Variants in CCDC187 observed in about 807,000 individuals in gnomAD.
CCDC187 encodes coiled-coil domain-containing protein 187.
CCDC187 carries 32 observed loss-of-function variants against 38.0 expected under a neutral mutation model. That is an observed-to-expected ratio of 0.84 (90% CI 0.64 to 1.13). The LOEUF is 1.13. Among genes scored for constraint, CCDC187 ranks in the 50% most tolerant of loss-of-function variants. The probability of loss-of-function intolerance (pLI) is 0.00; values close to 1 mark genes in which losing one functional copy is unlikely to be tolerated. For synonymous variants in CCDC187, 333 were observed against 347.9 expected, an observed-to-expected ratio of 0.96 and a Z score of 0.48; for missense variants, 707 against 786.8, an observed-to-expected ratio of 0.90 and a Z score of 1.21.
chr9:136,290,136 G>T, intron 6 of CCDC187, 83 bp from the exon 7 acceptor site: 1 of 398,220 alleles, frequency 2.5e-6, no homozygotes, highest in Non-Finnish European at 4.4e-6. Context: ...GCTAGGCCTT[G>T]ACCTCCCTTG....
intron 4 of CCDC187, among the ~76,000 whole-genome samples, chr9:136,293,464 CTCACAT>C (rs1831426854): frequency 2.7e-5 from 1 of 37,570 alleles, no homozygotes; most frequent in African/African-American, 1.0e-4. Flanking sequence ...CACACTCACA[CTCACAT>C]GCTCACACAC....
intron 19 of CCDC187, among the ~76,000 whole-genome samples, chr9:136,261,779 C>A (rs35851148): frequency 7.9e-5 from 12 of 152,160 alleles, no homozygotes; most frequent in Non-Finnish European, 1.5e-4. Context: ...CGCTGCCCCC[C>A]GCTTTCTGCT....
rs1254427171 is a variant in CCDC187 at position 136,258,390 on chromosome 9, C to G, written c.4366+542G>C. Among the ~76,000 whole-genome samples, 1 of 152,072 alleles carries G rather than the reference C, an allele frequency of 6.6e-6. No homozygotes were observed. Among genetic ancestry groups the G allele is most frequent in the Non-Finnish European group, 1.5e-5 (1 of 68,000 alleles). The stretch of plus-strand genomic sequence containing the variant: ...GGGTGGGGGCCTTCTGAATTCGGCA[C>G]CCAGGGCTGGTCAGGGAGCTCCGAG... On this transcript the variant is annotated intron_variant, in intron 22 of 25. Coordinates refer to ENST00000638797, the MANE Select transcript of CCDC187 (RefSeq NM_001378188.1). The surrounding 1 kb of genome is among the most constrained non-coding windows in gnomAD (Gnocchi z 4.3).
chr9:136,272,484 C>T (rs1281254120), intron 14 of CCDC187, among the ~76,000 whole-genome samples: 3 of 152,102 alleles, frequency 2.0e-5, no homozygotes, highest in African/African-American at 7.2e-5. Flanking sequence ...AGGTGGATCA[C>T]CTGAGGTCAG....
At chr9:136,300,711 C>G (rs1180470750) in intron 2 of CCDC187, among the ~76,000 whole-genome samples, 1 of 152,202 alleles carries the variant, frequency 6.6e-6, no homozygotes, top group African/African-American at 2.4e-5. Context: ...GATTCTCCTA[C>G]CTCAGCCTCC....
In CCDC187 at chr9:136,257,658, A is replaced by G. The variant is rs922111337; in HGVS notation, c.4367-817T>C. Among the ~76,000 whole-genome samples, 2 of 152,130 alleles carry G rather than the reference A, an allele frequency of 1.3e-5. No homozygotes were observed. Among genetic ancestry groups the G allele is most frequent in the African/African-American group, 2.4e-5 (1 of 41,442 alleles). ...CCCAGCATTGCACCTCCATCTCCCT[A>G]GACTTTCGTTCTGTGGGGTCAGGGG... On this transcript the variant is annotated intron_variant, in intron 22 of 25. Transcript: ENST00000638797. The surrounding 1 kb of genome is among the most constrained non-coding windows in gnomAD (Gnocchi z 4.5).
chr9:136,298,303 C>A (rs1831584902), intron 3 of CCDC187, among the ~76,000 whole-genome samples: 1 of 152,186 alleles, frequency 6.6e-6, no homozygotes, highest in Non-Finnish European at 1.5e-5. Context: ...GGACCAGGGC[C>A]AGGAGGAGTG....
chr9:136,291,670 TGAG>T, intron 5 of CCDC187, 25 bp from the exon 6 acceptor site: 1 of 398,094 alleles, frequency 2.5e-6, no homozygotes, highest in Non-Finnish European at 4.4e-6. Flanking sequence ...GTGTCAGGGG[TGAG>T]GAGGGGAGCG....
At chr9:136,259,545 T>C in intron 20 of CCDC187, 97 bp from the exon 21 acceptor site, 1 of 386,438 alleles carries the variant, frequency 2.6e-6, no homozygotes, top group Non-Finnish European at 3.4e-6. Flanking sequence ...TGCCAGGGGG[T>C]GGGGGATGGG....
At chr9:136,287,222 T>G (rs1831203491) in intron 7 of CCDC187, among the ~76,000 whole-genome samples, 1 of 147,558 alleles carries the variant, frequency 6.8e-6, no homozygotes, top group African/African-American at 2.5e-5. Context: ...ACATCACCCT[T>G]GGTAGAATAA....
chr9:136,301,064 C>T (rs1040639226), intron 2 of CCDC187, among the ~76,000 whole-genome samples: 14 of 152,322 alleles, frequency 9.2e-5, no homozygotes, highest in East Asian at 7.7e-4. Flanking sequence ...CCAGGCCCTG[C>T]GCGCCTTCAT....
intron 8 of CCDC187, 41 bp from the exon 9 acceptor site, chr9:136,285,647 G>A (rs1198088028): frequency 7.5e-6 from 3 of 399,586 alleles, no homozygotes; most frequent in Non-Finnish European, 1.3e-5. Flanking sequence ...CTGGTCAGCC[G>A]GGAGCACGGG....
In CCDC187 at chr9:136,293,308, C is replaced by CACACACTCACACTCACATGCTT. The variant is rs1345449740; in HGVS notation, c.833-1035_833-1014dup. Among the ~76,000 whole-genome samples, 56 of 149,796 alleles carry CACACACTCACACTCACATGCTT rather than the reference C, an allele frequency of 3.7e-4. 2 individuals are homozygous for CACACACTCACACTCACATGCTT. The highest frequency in any genetic ancestry group is 1.4e-3 in the African/African-American group (54 of 39,984). ...GCTCACACACTCACAAACACATGTT[C>CACACACTCACACTCACATGCTT]ACACACTCACACTCACATGCTTACA... On this transcript the variant is annotated intron_variant, in intron 4 of 25. Transcript: ENST00000638797.
At position 136,287,392 on chromosome 9, in the gene CCDC187, C is replaced by A. The variant is rs899323817; in HGVS notation, c.2223-697G>T. On this transcript the variant is annotated intron_variant, in intron 7 of 25. Transcript: ENST00000638797. ...CTTTCTCAGGAAACCTACCATCAGGCCTCCCACATAGAATCAAGGAGCTGA... is the reference window on the plus strand; with the variant it reads ...CTTTCTCAGGAAACCTACCATCAGGACTCCCACATAGAATCAAGGAGCTGA... Among the ~76,000 whole-genome samples, 1,466 of 152,256 alleles carry A rather than the reference C, an allele frequency of 9.6e-3. 11 individuals are homozygous for A. The highest frequency in any genetic ancestry group is 0.013 in the Non-Finnish European group (901 of 68,012).
At chr9:136,256,384 C>T (rs987570786) in intron 23 of CCDC187, 61 bp from the exon 24 acceptor site, 7 of 836,838 alleles carry the variant, frequency 8.4e-6, no homozygotes, top group African/African-American at 3.7e-5. Context: ...GTCCACCTCC[C>T]GTAGCTGGAT....
chr9:136,289,725 G>A (rs1251060542), intron 7 of CCDC187, among the ~76,000 whole-genome samples: 1 of 152,146 alleles, frequency 6.6e-6, no homozygotes, highest in Non-Finnish European at 1.5e-5. Flanking sequence ...GCACTTTAAC[G>A]TGGTGGATTT....
At chr9:136,271,455 A>G (rs1043377909) in intron 14 of CCDC187, among the ~76,000 whole-genome samples, 7 of 152,086 alleles carry the variant, frequency 4.6e-5, no homozygotes, top group Non-Finnish European at 1.5e-5. Flanking sequence ...TGAGACGCAG[A>G]GGTTGCAGTG....
At chr9:136,294,252 T>A (rs1393344772) in intron 4 of CCDC187, among the ~76,000 whole-genome samples, 1 of 98,536 alleles carries the variant, frequency 1.0e-5, no homozygotes, top group African/African-American at 3.9e-5. Context: ...GGTCTCACAC[T>A]CTCACGCGCT....
In CCDC187 at chr9:136,267,471, T is replaced by A. The variant is rs1410235270; in HGVS notation, c.3560A>T (p.Gln1187Leu). The A allele has an allele frequency of 1.0e-6, 1 of 985,606 alleles. No individual in the cohort carries two copies. The highest frequency in any genetic ancestry group is 1.1e-4 in the East Asian group (1 of 8,842). 61.1% of individuals were successfully genotyped at this position (985,606 alleles called of 1,614,324 possible). A position where few individuals can be genotyped will look rare whatever the true frequency, so the allele number is the denominator to read the frequency against. ...RSLREEELRAQHQAALLRLRE... is the reference protein window; with the variant it reads ...RSLREEELRALHQAALLRLRE... ...CAGGCGCAGCAGCGCGGCCTGGTGC[T>A]GTGCTCGCAGCTCCTCCTCCCGCAG... The change falls in exon 16 of 26, where the codon CAG becomes CTG. Residue 1187 changes from glutamine to leucine, a missense_variant. By Grantham distance (113) the Gln-to-Leu change is moderately radical. Transcript: ENST00000638797.
Sources: gnomAD v4.1 joint callset for allele counts (sites outside exome capture counted in the v4.1 genomes callset) on GRCh38, gnomAD v4.1.1 for gene constraint, Gnocchi (gnomAD v3.1) non-coding constraint, MANE v1.5 for transcripts, NCBI Gene and HGNC (gene_info 2026-07-23, HGNC 2026-07-21) for gene names.